Variants in ASAP1 observed in about 807,000 individuals in gnomAD.
The protein encoded by ASAP1 is ArfGAP with SH3 domain, ankyrin repeat and PH domain 1, also known as arf-GAP with SH3 domain, ANK repeat and PH domain-containing protein 1.
Under a neutral mutation model 145.2 loss-of-function variants are expected in ASAP1, and 43 were observed. That is an observed-to-expected ratio of 0.30 (90% CI 0.23 to 0.38). The LOEUF is 0.38. Ranked by LOEUF, ASAP1 falls within the 10% of genes least tolerant of loss-of-function variation. ASAP1 has a pLI of 1.00. For missense variants in ASAP1, 1,018 were observed against 1,355.3 expected (o/e 0.75, Z 3.91); for synonymous variants, 546 against 515.5 (o/e 1.06, Z -0.80).
chr8:130,112,015 C>G (rs1473474671), intron 24 of ASAP1, 79 bp downstream of exon 24: 4 of 1,370,266 alleles, frequency 2.9e-6, no homozygotes, highest in South Asian at 2.5e-5. Context: ...TACCTCAAAG[C>G]TGGCTAGACT....
Position 130,053,713 on chromosome 8 carries a change from TA to T in ASAP1, c.*1017del, listed in dbSNP as rs1265404252. ...TCCAAGAACAAAACTAAGAAAATAA[TA>T]AAAAATGGATGCAATGGATGCTTCA... On this transcript the variant is annotated 3_prime_UTR_variant, in exon 30 of 30. Coordinates refer to ENST00000518721, the MANE Select transcript of ASAP1 (RefSeq NM_018482.4). 2 of 152,150 alleles carry T rather than the reference TA, an allele frequency of 1.3e-5. No homozygotes were observed. Among genetic ancestry groups the T allele is most frequent in the African/African-American group, 2.4e-5 (1 of 41,442 alleles). The allele number at this position is 152,150 out of a possible 1,614,324, so 9.4% of individuals were successfully genotyped here.
intron 4 of ASAP1, among the ~76,000 whole-genome samples, chr8:130,215,852 G>T (rs1424376868): frequency 6.6e-6 from 1 of 151,948 alleles, no homozygotes. Flanking sequence ...TGGAGACTGG[G>T]AAGTCGAGGC....
At chr8:130,225,527 T>G (rs1817539845) in intron 4 of ASAP1, among the ~76,000 whole-genome samples, 1 of 152,174 alleles carries the variant, frequency 6.6e-6, no homozygotes, top group Non-Finnish European at 1.5e-5. Flanking sequence ...AGTTCTAACT[T>G]TTTTTTCTTT....
At chr8:130,270,872 C>A (rs1169032523) in intron 3 of ASAP1, among the ~76,000 whole-genome samples, 1 of 151,348 alleles carries the variant, frequency 6.6e-6, no homozygotes, top group African/African-American at 2.4e-5. Flanking sequence ...TGAGTTAATC[C>A]TCCTTTTTTG....
intron 18 of ASAP1, among the ~76,000 whole-genome samples, chr8:130,123,519 A>C (rs1319928025): frequency 6.6e-6 from 1 of 152,202 alleles, no homozygotes; most frequent in Non-Finnish European, 1.5e-5. Flanking sequence ...GAATCTGTGC[A>C]TCCCGGAAAT....
At chr8:130,294,138 T>C (rs1822113912) in intron 3 of ASAP1, among the ~76,000 whole-genome samples, 1 of 152,192 alleles carries the variant, frequency 6.6e-6, no homozygotes, top group South Asian at 2.1e-4. Flanking sequence ...TCTCCGTTAA[T>C]CAACCAGAGA....
At chr8:130,196,972 T>G (rs970746791) in intron 5 of ASAP1, among the ~76,000 whole-genome samples, 1 of 152,248 alleles carries the variant, frequency 6.6e-6, no homozygotes, top group Non-Finnish European at 1.5e-5. Context: ...TGCCTCGTCA[T>G]TAGGCTGCTT....
chr8:130,360,648 C>A (rs1826668281), intron 2 of ASAP1: 1 of 152,222 alleles, frequency 6.6e-6, no homozygotes, highest in South Asian at 2.1e-4. Context: ...CTTCAAAACA[C>A]ATTCTTTAAA....
intron 29 of ASAP1, among the ~76,000 whole-genome samples, chr8:130,055,297 G>T (rs187091161): frequency 0.041 from 3,025 of 74,372 alleles, 39 homozygotes; most frequent in East Asian, 0.13. Context: ...ATTTAAAAAA[G>T]AAAAAAAAAA....
intron 4 of ASAP1, among the ~76,000 whole-genome samples, chr8:130,235,152 A>G (rs1818139955): frequency 1.3e-5 from 2 of 152,150 alleles, no homozygotes; most frequent in African/African-American, 2.4e-5. Flanking sequence ...ACTCAGACCT[A>G]GACTACTTGA....
intron 3 of ASAP1, among the ~76,000 whole-genome samples, chr8:130,246,181 GC>G (rs112953422): frequency 3.6e-4 from 55 of 151,580 alleles, no homozygotes; most frequent in Non-Finnish European, 5.9e-4. Flanking sequence ...CCTCCCCTTC[GC>G]CCCCCCATGG....
chr8:130,065,561 C>T (rs2097428980), intron 27 of ASAP1, among the ~76,000 whole-genome samples: 1 of 152,176 alleles, frequency 6.6e-6, no homozygotes, highest in African/African-American at 2.4e-5. Context: ...TACAACCAGA[C>T]TGTAACAAGG....
chr8:130,273,112 T>A lies in ASAP1; in HGVS notation c.187-36118A>T, dbSNP rs555337063. On this transcript the variant is annotated intron_variant, in intron 3 of 29. Coordinates refer to ENST00000518721, the MANE Select transcript of ASAP1 (RefSeq NM_018482.4). ...GTAAGAAAATTTCACATGTACCCCA[T>A]AAACATGTATAAATACAGTGTATCA... Among the ~76,000 whole-genome samples the A allele has an allele frequency of 2.6e-5, 4 of 152,258 alleles. No individual in the cohort carries two copies. The East Asian group carries it at 7.7e-4, about 29-fold the overall frequency.
intron 3 of ASAP1, among the ~76,000 whole-genome samples, chr8:130,267,305 G>C (rs1820323091): frequency 6.6e-6 from 1 of 152,136 alleles, no homozygotes; most frequent in African/African-American, 2.4e-5. Flanking sequence ...AAGAGCTATA[G>C]TAGTCAAGCA....
intron 15 of ASAP1, among the ~76,000 whole-genome samples, 168 bp from the exon 16 acceptor site, chr8:130,128,258 A>C (rs1284902371): frequency 6.6e-6 from 1 of 151,852 alleles, no homozygotes; most frequent in Non-Finnish European, 1.5e-5. Flanking sequence ...AAACAAAGAA[A>C]TCAAACTTGA....
At chr8:130,303,676 ATACTT>A (rs1425550873) in intron 3 of ASAP1, among the ~76,000 whole-genome samples, 8 of 152,312 alleles carry the variant, frequency 5.3e-5, no homozygotes, top group Non-Finnish European at 8.8e-5. Flanking sequence ...AAAAGGCTAC[ATACTT>A]TACTTTATGA....
intron 3 of ASAP1, among the ~76,000 whole-genome samples, chr8:130,299,930 G>A (rs185511840): frequency 3.3e-5 from 5 of 152,054 alleles, no homozygotes; most frequent in African/African-American, 1.2e-4. Flanking sequence ...TCTTCGTGGT[G>A]GACTGGAAAA....
At chr8:130,302,838 G>C (rs1211959466) in intron 3 of ASAP1, among the ~76,000 whole-genome samples, 1 of 152,180 alleles carries the variant, frequency 6.6e-6, no homozygotes, top group Non-Finnish European at 1.5e-5. Context: ...AAACTATGAA[G>C]AAATAAGAAC....
intron 3 of ASAP1, among the ~76,000 whole-genome samples, chr8:130,252,713 A>G: frequency 6.6e-6 from 1 of 152,200 alleles, no homozygotes; most frequent in Middle Eastern, 3.2e-3. Flanking sequence ...CCCACCCACA[A>G]GCACCATGGC....
Sources: gnomAD v4.1 joint callset for allele counts (sites outside exome capture counted in the v4.1 genomes callset) on GRCh38, gnomAD v4.1.1 for gene constraint, MANE v1.5 for transcripts, NCBI Gene and HGNC (gene_info 2026-07-23, HGNC 2026-07-21) for gene names.